The following CHID1 variants were observed in gnomAD, a reference collection of about 807,000 sequenced individuals.
CHID1 encodes chitinase domain-containing protein 1.
A neutral mutation model predicts 55.4 loss-of-function variants in CHID1; 44 were observed. That is an observed-to-expected ratio of 0.79 (90% confidence interval 0.62 to 1.02). The LOEUF (loss-of-function observed/expected upper bound fraction) is 1.02. Ranked by LOEUF, CHID1 falls within the 50% of genes least tolerant of loss-of-function variation. The pLI is 0.00. For synonymous variants in CHID1, 216 were observed against 212.9 expected (o/e 1.01, Z -0.13); for missense variants, 491 against 515.3 (o/e 0.95, Z 0.46).
chr11:884,235 G>A (rs1172886028), intron 8 of CHID1, 66 bp from the exon 9 acceptor site: 6 of 1,291,032 alleles, frequency 4.6e-6, no homozygotes, highest in African/African-American at 2.9e-5. Flanking sequence ...CCCAGCTGCG[G>A]TTCGAGCAAG....
chr11:874,702 C>G (rs1179738491), intron 10 of CHID1: 1 of 152,234 alleles, frequency 6.6e-6, no homozygotes, highest in African/African-American at 2.4e-5. Flanking sequence ...GTGATCCTCC[C>G]CACTCGGCCT....
chr11:908,527 C>T, intron 1 of CHID1: 4 of 977,138 alleles, frequency 4.1e-6, no homozygotes, highest in Non-Finnish European at 4.9e-6. Flanking sequence ...GGGAAGACGG[C>T]CCAGAATCAC....
intron 3 of CHID1, among the ~76,000 whole-genome samples, 156 bp downstream of exon 3, chr11:902,806 T>C (rs539764175): frequency 2.8e-4 from 42 of 152,226 alleles, no homozygotes; most frequent in African/African-American, 1.0e-3. Flanking sequence ...ATCTCCAGAA[T>C]GGCATCTCTC....
chr11:903,588 C>T (rs1374805052), intron 2 of CHID1: 1 of 214,572 alleles, frequency 4.7e-6, no homozygotes. Flanking sequence ...GGAGACCAGC[C>T]TGGTCAACAT....
intron 8 of CHID1, among the ~76,000 whole-genome samples, chr11:887,363 T>G (rs1222864229): frequency 6.6e-6 from 1 of 152,114 alleles, no homozygotes. Flanking sequence ...TCCCATTTTC[T>G]CTCCTCTAGC....
At chr11:885,040 C>T (rs561234821) in intron 8 of CHID1, among the ~76,000 whole-genome samples, 103 of 152,266 alleles carry the variant, frequency 6.8e-4, no homozygotes, top group African/African-American at 2.3e-3. Context: ...ACCGAGGGGG[C>T]GGAGGGCCCC....
intron 8 of CHID1, among the ~76,000 whole-genome samples, chr11:888,749 C>T (rs753848495): frequency 1.3e-5 from 2 of 151,908 alleles, no homozygotes; most frequent in Non-Finnish European, 2.9e-5. Flanking sequence ...GTTGAGTGCC[C>T]ACTCGGCCTC....
intron 1 of CHID1, 174 bp downstream of exon 1, chr11:910,599 CCT>C: frequency 8.1e-7 from 1 of 1,239,834 alleles, no homozygotes; most frequent in Non-Finnish European, 1.0e-6. Flanking sequence ...GTCCTCACAC[CCT>C]CTCACACGCC....
intron 7 of CHID1, 131 bp downstream of exon 7, chr11:899,209 A>C (rs549356199): frequency 1.2e-6 from 1 of 838,018 alleles, no homozygotes; most frequent in East Asian, 2.7e-5. Flanking sequence ...TCTTTTGTGC[A>C]GCCCCGTCCC....
chr11:889,478 C>T (rs1438151548), intron 8 of CHID1, among the ~76,000 whole-genome samples: 1 of 152,196 alleles, frequency 6.6e-6, no homozygotes, highest in Non-Finnish European at 1.5e-5. Context: ...TGCTCCTGCA[C>T]TCCAGCTACC....
At chr11:886,293 C>A (rs1850390863) in intron 8 of CHID1, among the ~76,000 whole-genome samples, 1 of 151,748 alleles carries the variant, frequency 6.6e-6, no homozygotes, top group Non-Finnish European at 1.5e-5. Context: ...GACTCTGTCT[C>A]CACATTAATT....
At chr11:904,677 G>A in intron 2 of CHID1, 29 bp downstream of exon 2, 1 of 1,613,398 alleles carries the variant, frequency 6.2e-7, no homozygotes, top group Non-Finnish European at 8.5e-7. Context: ...AGCCAGTACA[G>A]TCACCTCAAG....
intron 8 of CHID1, among the ~76,000 whole-genome samples, chr11:885,391 A>G (rs544518994): frequency 1.4e-4 from 22 of 152,234 alleles, no homozygotes; most frequent in African/African-American, 5.3e-4. Context: ...TGCTGAGCAC[A>G]ATGAGAGGCC....
rs149799922 is a variant in CHID1 at position 901,977 on chromosome 11, C to T, written c.394+221G>A. ...GTCTCACACTTAGACATGTCCACAC[C>T]GACAGTCACATTCAACACACTCACA... On this transcript the variant is annotated intron_variant, in intron 4 of 12. Transcript: ENST00000323578. Among the ~76,000 whole-genome samples, 979 of 152,172 alleles carry T rather than the reference C, an allele frequency of 6.4e-3. 6 individuals are homozygous for T. Among genetic ancestry groups the T allele is most frequent in the Non-Finnish European group, 0.011 (748 of 68,000 alleles).
chr11:903,652 G>A (rs960332201), intron 2 of CHID1: 1 of 209,842 alleles, frequency 4.8e-6, no homozygotes, highest in Non-Finnish European at 9.8e-6. Flanking sequence ...ATGGTGGCGG[G>A]CACCTGTAGT....
chr11:878,341 G>A (rs1849655651), intron 10 of CHID1, among the ~76,000 whole-genome samples: 1 of 152,144 alleles, frequency 6.6e-6, no homozygotes. Flanking sequence ...TTGAACCCAG[G>A]AGGTGGAGGC....
At chr11:912,837 CAA>C (rs59345654), upstream of CHID1, among the ~76,000 whole-genome samples, 279 of 135,822 alleles carry the variant, frequency 2.1e-3, no homozygotes, top group Non-Finnish European at 2.2e-3. Flanking sequence ...GACTCTGCCT[CAA>C]AAAAAAAAAA....
At chr11:901,755 T>C (rs1830880031) in intron 4 of CHID1, among the ~76,000 whole-genome samples, 1 of 152,108 alleles carries the variant, frequency 6.6e-6, no homozygotes, top group South Asian at 2.1e-4. Flanking sequence ...CGGAACACTC[T>C]GAGGCACCAA....
At position 893,459 on chromosome 11, in the gene CHID1, G is replaced by A. The variant is rs1850999387; in HGVS notation, c.669C>T (p.Ala223=). ...AEALHQARLL[A]LLVIPPAITP... is the part of the protein sequence containing the mutation. ...TGATGGCAGGCGGGATGACCAGGAG[G>A]GCCAGCAGCCGGGCCTGGTGCAGAG... The change falls in exon 8 of 13, where the codon GCC becomes GCT. Residue 223 remains alanine (A), a synonymous_variant. Transcript: ENST00000323578. 1 of 1,551,896 alleles carries A rather than the reference G, an allele frequency of 6.4e-7. No homozygotes were observed. The highest frequency in any genetic ancestry group is 1.4e-5 in the African/African-American group (1 of 73,538).
Sources: gnomAD v4.1 joint callset for allele counts (sites outside exome capture counted in the v4.1 genomes callset) on GRCh38, gnomAD v4.1.1 for gene constraint, MANE v1.5 for transcripts, NCBI Gene and HGNC (gene_info 2026-07-23, HGNC 2026-07-21) for gene names.